MYLK4: variants seen among roughly 807,000 people sequenced by gnomAD.
MYLK4 encodes the protein myosin light chain kinase family member 4, also known as caMLCK like.
Under a neutral mutation model 48.1 loss-of-function variants are expected in MYLK4, and 46 were observed. The observed-to-expected ratio is 0.96, with a 90% confidence interval of 0.75 to 1.22. The LOEUF (loss-of-function observed/expected upper bound fraction) is 1.22. Ranked by LOEUF, MYLK4 falls within the 50% of genes most tolerant of loss-of-function variation. The pLI is 0.00. For synonymous variants in MYLK4, 170 were observed against 180.8 expected, an observed-to-expected ratio of 0.94 and a Z score of 0.48; for missense variants, 451 against 486.1, an observed-to-expected ratio of 0.93 and a Z score of 0.68.
At chr6:2,694,503 G>GGTGA in intron 2 of MYLK4, among the ~76,000 whole-genome samples, 1 of 12,360 alleles carries the variant, frequency 8.1e-5, no homozygotes, top group East Asian at 1.4e-3. Context: ...GGTGGTGGTG[G>GGTGA]TGGTGGTGGC....
intron 2 of MYLK4, among the ~76,000 whole-genome samples, chr6:2,735,630 C>CT (rs1422509714): frequency 2.0e-5 from 3 of 152,142 alleles, no homozygotes; most frequent in Admixed American, 1.3e-4. Flanking sequence ...GGAGCTGCAG[C>CT]TTTTCAGGAA....
intron 2 of MYLK4, among the ~76,000 whole-genome samples, chr6:2,722,512 AGTGTGT>A (rs369339405): frequency 0.094 from 13,164 of 139,446 alleles, 592 homozygotes; most frequent in Middle Eastern, 0.13. Context: ...ACATAAAAGG[AGTGTGT>A]GTGTGTGTGT....
At position 2,668,466 on chromosome 6, in the gene MYLK4, G is replaced by C. The variant is rs74484839; in HGVS notation, c.*26-567C>G. Among the ~76,000 whole-genome samples the C allele has an allele frequency of 7.9e-3, 1,207 of 152,316 alleles. 44 individuals are homozygous for C. In the East Asian group the frequency reaches 0.083, roughly 10 times the overall value. On this transcript the variant is annotated intron_variant, in intron 12 of 12. Transcript: ENST00000274643. ...ACCAGAAACAAAATGCCACCAGGTT[G>C]ATTTTGGGAATGTTTCCTCTAACAA...
At chr6:2,694,147 A>G (rs1366915948) in intron 2 of MYLK4, among the ~76,000 whole-genome samples, 3 of 152,132 alleles carry the variant, frequency 2.0e-5, no homozygotes, top group Admixed American at 2.0e-4. Flanking sequence ...ACATAAAGGC[A>G]TGTTTAGTAA....
intron 3 of MYLK4, among the ~76,000 whole-genome samples, chr6:2,691,345 T>G (rs1471244583): frequency 6.6e-6 from 1 of 152,210 alleles, no homozygotes; most frequent in South Asian, 2.1e-4. Context: ...GAACTAAGAA[T>G]TATGTTTTAA....
At chr6:2,746,118 T>A (rs1258266938) in intron 2 of MYLK4, among the ~76,000 whole-genome samples, 2 of 123,730 alleles carry the variant, frequency 1.6e-5, no homozygotes, top group African/African-American at 5.8e-5. Flanking sequence ...TAAAAAAAAA[T>A]GAGTCAGGCG....
intron 2 of MYLK4, among the ~76,000 whole-genome samples, chr6:2,697,498 G>A (rs1316540122): frequency 2.0e-5 from 3 of 152,212 alleles, no homozygotes; most frequent in Non-Finnish European, 2.9e-5. Flanking sequence ...GTCCACAGGC[G>A]TGTGCCGGCT....
chr6:2,678,220 C>G lies in MYLK4; in HGVS notation c.1040G>C (p.Ser347Thr). The change falls in exon 10 of 13, where the codon AGT (serine) becomes ACT (threonine). Residue 347 changes from serine (S) to threonine (T), a missense_variant and splice_region_variant. Coordinates refer to ENST00000274643, the MANE Select transcript of MYLK4 (RefSeq NM_001012418.5). ...FISKLLIKEKSWRISASEALK... is the reference protein window; with the variant it reads ...FISKLLIKEKTWRISASEALK... ...GGAGCACAGGACGAACTTGCGTTAC[C>G]TCTTCTCCTTAATCAGAAGCTTAGA... 1 of 1,613,828 alleles carries G rather than the reference C, an allele frequency of 6.2e-7. No homozygotes were observed. The highest frequency in any genetic ancestry group is 1.1e-5 in the South Asian group (1 of 91,044).
At chr6:2,726,239 T>C (rs555404503) in intron 2 of MYLK4, among the ~76,000 whole-genome samples, 38 of 151,882 alleles carry the variant, frequency 2.5e-4, no homozygotes, top group Non-Finnish European at 4.6e-4. Flanking sequence ...AACAGCAAAA[T>C]CGCAAAAAAG....
rs1760530155 is a variant in MYLK4, at chr6:2,663,640, A to G, written c.*4285T>C. On this transcript the variant is annotated 3_prime_UTR_variant, in exon 13 of 13. Transcript: ENST00000274643. ...ATTGAGCCCATTAATCAAAAGATAA[A>G]TAAGGTCCATGTTTATTCTTCAATA... The G allele has an allele frequency of 6.5e-6, 1 of 152,680 alleles. No individual in the cohort carries two copies. The highest frequency in any genetic ancestry group is 2.1e-4 in the South Asian group (1 of 4,834). 9.5% of individuals were successfully genotyped at this position (152,680 alleles called of 1,614,324 possible). A position where few individuals can be genotyped will look rare whatever the true frequency, so the allele number is the denominator to read the frequency against.
chr6:2,707,845 CT>C (rs1480784352), intron 2 of MYLK4, among the ~76,000 whole-genome samples: 2 of 151,996 alleles, frequency 1.3e-5, no homozygotes, highest in African/African-American at 4.8e-5. Context: ...CTAAAATCTA[CT>C]TTTTTTCAAG....
chr6:2,726,920 T>C (rs1763300676), intron 2 of MYLK4, among the ~76,000 whole-genome samples: 1 of 152,164 alleles, frequency 6.6e-6, no homozygotes, highest in East Asian at 1.9e-4. Context: ...GCACCTACTA[T>C]ATAATTAACC....
chr6:2,747,401 A>G (rs997612104), intron 2 of MYLK4, among the ~76,000 whole-genome samples: 5 of 152,022 alleles, frequency 3.3e-5, no homozygotes, highest in African/African-American at 1.2e-4. Flanking sequence ...GCTGGAGTGC[A>G]GTGGTGTGAT....
At chr6:2,721,766 T>C (rs1269512864) in intron 2 of MYLK4, among the ~76,000 whole-genome samples, 4 of 152,300 alleles carry the variant, frequency 2.6e-5, no homozygotes, top group African/African-American at 4.8e-5. Flanking sequence ...CAAGGACAAA[T>C]AGAAGGTTTC....
chr6:2,725,744 C>A (rs1763250898), intron 2 of MYLK4, among the ~76,000 whole-genome samples: 1 of 152,184 alleles, frequency 6.6e-6, no homozygotes, highest in Middle Eastern at 3.2e-3. Context: ...AGGCAGAGCA[C>A]TTCTTGAAAT....
intron 8 of MYLK4, 72 bp downstream of exon 8, chr6:2,680,149 T>C (rs1040315233): frequency 2.5e-5 from 38 of 1,520,910 alleles, no homozygotes; most frequent in Non-Finnish European, 3.0e-5. Context: ...AGATCAGATA[T>C]ATGTTTGCAA....
At chr6:2,764,137 T>C in the MYLK4 span, among the ~76,000 whole-genome samples, 2 of 152,168 alleles carry the variant, frequency 1.3e-5, no homozygotes, top group Non-Finnish European at 2.9e-5. Flanking sequence ...CTCAAAAAAA[T>C]AATGAAAGCT....
At chr6:2,683,862 T>C (rs890881604) in intron 6 of MYLK4, among the ~76,000 whole-genome samples, 2 of 152,104 alleles carry the variant, frequency 1.3e-5, no homozygotes, top group African/African-American at 4.8e-5. Flanking sequence ...GTCTCAGCCC[T>C]CTAAGTCTCC....
chr6:2,696,162 G>A (rs1363217177), intron 2 of MYLK4, among the ~76,000 whole-genome samples: 2 of 152,202 alleles, frequency 1.3e-5, no homozygotes, highest in African/African-American at 2.4e-5. Flanking sequence ...TGGTCCAGAT[G>A]TCCAAGTATT....
Sources: gnomAD v4.1 joint callset for allele counts (sites outside exome capture counted in the v4.1 genomes callset) on GRCh38, gnomAD v4.1.1 for gene constraint, MANE v1.5 for transcripts, NCBI Gene and HGNC (gene_info 2026-07-23, HGNC 2026-07-21) for gene names.